Variants in STPG2 observed in about 807,000 individuals in gnomAD.
The protein encoded by STPG2 is sperm-tail PG-rich repeat-containing protein 2.
Under a neutral mutation model 54.2 loss-of-function variants are expected in STPG2, and 56 were observed. That is an observed-to-expected ratio of 1.03 (90% CI 0.83 to 1.29). The LOEUF is 1.29. Among genes scored for constraint, STPG2 ranks in the 50% most tolerant of loss-of-function variants. STPG2 has a pLI of 0.00. For missense variants in STPG2, 596 were observed against 544.9 expected, an observed-to-expected ratio of 1.09 and a Z score of -0.93; for synonymous variants, 200 against 181.8, an observed-to-expected ratio of 1.10 and a Z score of -0.81.
chr4:97,556,164 C>T (rs79840811), downstream of STPG2, among the ~76,000 whole-genome samples: 2,492 of 152,100 alleles, frequency 0.016, 63 homozygotes, highest in African/African-American at 0.057. Flanking sequence ...TACATACATT[C>T]GCAGGAATAA....
chr4:97,485,855 A>G (rs1730341601), intron 4 of STPG2, among the ~76,000 whole-genome samples: 1 of 152,004 alleles, frequency 6.6e-6, no homozygotes, highest in Non-Finnish European at 1.5e-5. Flanking sequence ...ACATAGACCA[A>G]TGGAACAGAA....
rs1731779586 is a variant in STPG2 at position 97,544,015 on chromosome 4, G to T, written c.462+168684C>A. On this transcript the variant is annotated intron_variant, in intron 4 of 4. Transcript: ENST00000522676. Reference sequence around the variant, plus strand: ...AAAACCTTAATCATAATAGAATGTGGTTCAACAAAAAGAAAACTGTACAGA... The same window carrying T: ...AAAACCTTAATCATAATAGAATGTGTTTCAACAAAAAGAAAACTGTACAGA... 2.0e-5 allele frequency among the ~76,000 whole-genome samples: 3 copies of T among 151,988 alleles called. No homozygotes were observed. In the South Asian group the frequency reaches 6.2e-4, roughly 31 times the overall value.
intron 10 of STPG2, among the ~76,000 whole-genome samples, chr4:97,623,801 C>A (rs1335920108): frequency 1.3e-5 from 2 of 152,082 alleles, no homozygotes; most frequent in African/African-American, 4.8e-5. Context: ...GACACCCCCA[C>A]TGACAGTCCC....
downstream of STPG2, among the ~76,000 whole-genome samples, chr4:97,557,689 A>G (rs1732112287): frequency 6.6e-6 from 1 of 152,208 alleles, no homozygotes; most frequent in Non-Finnish European, 1.5e-5. Context: ...AGAAAGAGCT[A>G]CAGGGCCAAG....
At chr4:97,943,410 G>A (rs1447956062) in intron 8 of STPG2, among the ~76,000 whole-genome samples, 1 of 152,044 alleles carries the variant, frequency 6.6e-6, no homozygotes, top group African/African-American at 2.4e-5. Flanking sequence ...CTGCTTCACT[G>A]TTTTCAATTT....
intron 4 of STPG2, among the ~76,000 whole-genome samples, chr4:97,532,928 G>T (rs1437987749): frequency 1.3e-5 from 2 of 151,954 alleles, no homozygotes; most frequent in African/African-American, 4.8e-5. Context: ...TGTCACCCAG[G>T]CTGGAGCGCA....
At chr4:97,710,733 C>T (rs1389337199) in intron 10 of STPG2, among the ~76,000 whole-genome samples, 2 of 151,480 alleles carry the variant, frequency 1.3e-5, no homozygotes, top group South Asian at 4.2e-4. Flanking sequence ...ATTTATCAAC[C>T]CATCAACTTA....
intron 9 of STPG2, among the ~76,000 whole-genome samples, chr4:97,810,002 A>G (rs1560537246): frequency 6.6e-6 from 1 of 152,230 alleles, no homozygotes; most frequent in African/African-American, 2.4e-5. Context: ...ATAATAATAT[A>G]TCTTAAGATG....
intron 10 of STPG2, among the ~76,000 whole-genome samples, chr4:97,611,359 C>CA (rs1371634094): frequency 4.6e-5 from 7 of 150,980 alleles, no homozygotes; most frequent in South Asian, 4.2e-4. Flanking sequence ...GTAACACACA[C>CA]ACAAAAAAAC....
intron 5 of STPG2, among the ~76,000 whole-genome samples, chr4:97,981,717 A>G (rs977420868): frequency 6.6e-6 from 1 of 151,228 alleles, no homozygotes; most frequent in Non-Finnish European, 1.5e-5. Context: ...GTTCCTCAAC[A>G]TGTATATTCA....
chr4:97,730,137 T>C (rs1433724552), intron 9 of STPG2, among the ~76,000 whole-genome samples: 2 of 152,178 alleles, frequency 1.3e-5, no homozygotes, highest in Non-Finnish European at 2.9e-5. Context: ...GCAGTTTTTT[T>C]AACTCTTGCC....
chr4:97,600,752 G>A lies in STPG2; in HGVS notation c.1321-41635C>T, dbSNP rs182707964. 5.5e-3 allele frequency among the ~76,000 whole-genome samples: 843 copies of A among 152,148 alleles called. 5 individuals are homozygous for A. Among genetic ancestry groups the A allele is most frequent in the Non-Finnish European group, 9.6e-3 (649 of 67,956 alleles). ...TAGTGGGGGAAAGTTCAAAAATAGC[G>A]CAATAGTTTTATATAGACCGTTAAA... is the stretch of plus-strand genomic sequence containing the variant. On this transcript the variant is annotated intron_variant, in intron 10 of 10. Transcript: ENST00000295268.
intron 8 of STPG2, among the ~76,000 whole-genome samples, chr4:97,855,665 T>C (rs1729311495): frequency 1.3e-5 from 2 of 152,308 alleles, no homozygotes; most frequent in Non-Finnish European, 2.9e-5. Flanking sequence ...AGCTCTTTAG[T>C]TCAATTCGAT....
chr4:97,913,538 G>A (rs550508215), intron 8 of STPG2, among the ~76,000 whole-genome samples: 6 of 152,096 alleles, frequency 3.9e-5, no homozygotes, highest in East Asian at 3.9e-4. Context: ...TCCTCCTTGC[G>A]CATATAATAA....
intron 8 of STPG2, among the ~76,000 whole-genome samples, chr4:97,931,607 C>T (rs992976735): frequency 6.6e-6 from 1 of 152,078 alleles, no homozygotes; most frequent in African/African-American, 2.4e-5. Flanking sequence ...AGGATTTTTG[C>T]ATCAATATTC....
intron 5 of STPG2, among the ~76,000 whole-genome samples, chr4:98,057,047 A>AAC (rs1344191103): frequency 2.0e-5 from 3 of 152,330 alleles, no homozygotes; most frequent in African/African-American, 7.2e-5. Context: ...AGAATGGACT[A>AAC]ACACAGTAGG....
At chr4:98,095,125 G>A (rs927618748) in intron 5 of STPG2, among the ~76,000 whole-genome samples, 1 of 152,056 alleles carries the variant, frequency 6.6e-6, no homozygotes, top group Admixed American at 6.6e-5. Context: ...AAAATAATGG[G>A]TTACAAGATA....
chr4:97,545,597 G>A (rs567164351), intron 4 of STPG2, among the ~76,000 whole-genome samples: 2 of 152,008 alleles, frequency 1.3e-5, no homozygotes, highest in African/African-American at 4.8e-5. Context: ...TAATTACCAG[G>A]GTTAGTCTAG....
intron 9 of STPG2, among the ~76,000 whole-genome samples, chr4:97,797,630 G>T (rs1727240893): frequency 6.6e-6 from 1 of 152,176 alleles, no homozygotes; most frequent in African/African-American, 2.4e-5. Context: ...GTTCATCAGG[G>T]ATATTGGTCT....
Sources: gnomAD v4.1 joint callset for allele counts (sites outside exome capture counted in the v4.1 genomes callset) on GRCh38, gnomAD v4.1.1 for gene constraint, MANE v1.5 for transcripts, NCBI Gene and HGNC (gene_info 2026-07-23, HGNC 2026-07-21) for gene names.